TBX19: variants seen among roughly 807,000 people sequenced by gnomAD.
The protein encoded by TBX19 is T-box transcription factor 19.
A neutral mutation model predicts 40.9 loss-of-function variants in TBX19; 33 were observed. That is an observed-to-expected ratio of 0.81 (90% CI 0.61 to 1.08). The LOEUF (loss-of-function observed/expected upper bound fraction) is 1.08, where lower values mean the gene tolerates loss of function less well. TBX19 is among the 50% of genes least tolerant of loss of function. TBX19 has a pLI of 0.00. For missense variants in TBX19, 494 were observed against 574.0 expected, an observed-to-expected ratio of 0.86 and a Z score of 1.42; for synonymous variants, 220 against 225.0, an observed-to-expected ratio of 0.98 and a Z score of 0.20.
At chr1:168,286,592 T>C (rs2102351278) in intron 1 of TBX19, among the ~76,000 whole-genome samples, 1 of 152,372 alleles carries the variant, frequency 6.6e-6, no homozygotes, top group Non-Finnish European at 1.5e-5. Flanking sequence ...AATACTCCAT[T>C]GTATGGATAT....
intron 1 of TBX19, among the ~76,000 whole-genome samples, chr1:168,287,919 G>A (rs1035148616): frequency 9.2e-5 from 14 of 151,414 alleles, no homozygotes; most frequent in African/African-American, 3.2e-4. Flanking sequence ...AAGGAGTAGT[G>A]AATGAAATGT....
Position 168,312,812 on chromosome 1 carries a change from C to A in TBX19, c.1157C>A (p.Pro386Gln). 6.2e-7 allele frequency: 1 copy of A among 1,614,278 alleles called. No individual in the cohort carries two copies. Among genetic ancestry groups the A allele is most frequent in the South Asian group, 1.1e-5 (1 of 91,088 alleles). The change falls in exon 8 of 8, where the codon CCA (proline) becomes CAA (glutamine). Residue 386 changes from proline (P) to glutamine (Q), a missense_variant. Around this residue, in one of 3 missense-constraint regions of TBX19, gnomAD observed 284 missense variants for 307.3 expected, o/e 0.92. Coordinates refer to ENST00000367821, the MANE Select transcript of TBX19 (RefSeq NM_005149.3). ...CCAGGAGCATTTCTCCTCGGAAACCCAGCTGTGACTTCACCCCCTTCTGTG... is the reference window on the plus strand; with the variant it reads ...CCAGGAGCATTTCTCCTCGGAAACCAAGCTGTGACTTCACCCCCTTCTGTG... ...STPGAFLLGNPAVTSPPSVLS... is the reference protein window; with the variant it reads ...STPGAFLLGNQAVTSPPSVLS...
At chr1:168,286,767 G>A (rs1208992326) in intron 1 of TBX19, among the ~76,000 whole-genome samples, 1 of 152,182 alleles carries the variant, frequency 6.6e-6, no homozygotes, top group Non-Finnish European at 1.5e-5. Flanking sequence ...CTGGATTATT[G>A]AGAAACTGTA....
In TBX19 at chr1:168,301,056, A is replaced by G. The variant is rs536912883; in HGVS notation, c.727+573A>G. 3.0e-3 allele frequency among the ~76,000 whole-genome samples: 452 copies of G among 152,290 alleles called. 3 individuals are homozygous for G. The highest frequency in any genetic ancestry group is 0.011 in the South Asian group (55 of 4,826). On this transcript the variant is annotated intron_variant, in intron 5 of 7. Coordinates refer to ENST00000367821, the MANE Select transcript of TBX19 (RefSeq NM_005149.3). ...GTGGAGGGAATCCTCTGCAGCTGCA[A>G]TGCAACCCACGATCAGTGACATCAG...
chr1:168,291,543 GA>G, intron 2 of TBX19, 119 bp downstream of exon 2: 5 of 1,413,008 alleles, frequency 3.5e-6, no homozygotes, highest in Non-Finnish European at 5.0e-6. Flanking sequence ...TTCTCCCACA[GA>G]AGCCAATTAT....
At chr1:168,302,589 T>C (rs934222491) in intron 5 of TBX19, among the ~76,000 whole-genome samples, 1 of 152,160 alleles carries the variant, frequency 6.6e-6, no homozygotes, top group Admixed American at 6.5e-5. Context: ...TCAGAATCTT[T>C]CTACAAAACA....
In TBX19 at chr1:168,282,821, A is replaced by G. The variant is rs192171719; in HGVS notation, c.203+1528A>G. On this transcript the variant is annotated intron_variant, in intron 1 of 7. Coordinates refer to ENST00000367821, the MANE Select transcript of TBX19 (RefSeq NM_005149.3). Reference sequence around the variant, plus strand: ...TTACAGTAATACCTAGCCTTATGCTATTGATTGGGCTGTCAAATTGGCCAT... The same window carrying G: ...TTACAGTAATACCTAGCCTTATGCTGTTGATTGGGCTGTCAAATTGGCCAT... Among the ~76,000 whole-genome samples the G allele has an allele frequency of 1.1e-3, 168 of 152,300 alleles. No homozygotes were observed. In the East Asian group the frequency reaches 0.012, roughly 11 times the overall value.
intron 5 of TBX19, 107 bp from the exon 6 acceptor site, chr1:168,304,901 T>C: frequency 8.9e-7 from 1 of 1,125,026 alleles, no homozygotes. Flanking sequence ...CAGGCTGGCA[T>C]CAGTGTCATT....
At chr1:168,287,621 A>AAAC (rs1340587526) in intron 1 of TBX19, among the ~76,000 whole-genome samples, 2 of 152,016 alleles carry the variant, frequency 1.3e-5, no homozygotes, top group African/African-American at 4.8e-5. Flanking sequence ...ACATGTTAAG[A>AAAC]AACAACAAAG....
chr1:168,296,445 A>G (rs897144116), intron 3 of TBX19, among the ~76,000 whole-genome samples: 2 of 152,170 alleles, frequency 1.3e-5, no homozygotes, highest in African/African-American at 4.8e-5. Context: ...CACATCTTAC[A>G]TGGTGACAGG....
rs148037053 is a variant in TBX19, at chr1:168,295,881, T to C, written c.604-1843T>C. On this transcript the variant is annotated intron_variant, in intron 3 of 7. Transcript: ENST00000367821. ...TGGTGTGCGGAACTTGTCATTTGGC[T>C]GCTGACTTGGTAAACCCTCAGAAGC... Among the ~76,000 whole-genome samples the C allele has an allele frequency of 4.2e-3, 644 of 152,340 alleles. 1 individual carries two copies. Among genetic ancestry groups the C allele is most frequent in the Middle Eastern group, 0.014 (4 of 294 alleles).
intron 4 of TBX19, among the ~76,000 whole-genome samples, chr1:168,298,825 T>TC (rs1403795436): frequency 5.0e-4 from 6 of 12,062 alleles, no homozygotes; most frequent in African/African-American, 8.6e-4. Flanking sequence ...CTCCCTTCCT[T>TC]TCTTTCTTTC....
Position 168,284,680 on chromosome 1 carries a change from G to A in TBX19, c.203+3387G>A, listed in dbSNP as rs565142797. 4.0e-5 allele frequency among the ~76,000 whole-genome samples: 6 copies of A among 148,236 alleles called. No homozygotes were observed. The South Asian group carries it at 1.3e-3, about 32-fold the overall frequency. ...AGTCCCAGCTACTTGGGAGGCTGAG[G>A]TGGGAGATCACCTGACCCTGGGGAG... On this transcript the variant is annotated intron_variant, in intron 1 of 7. Coordinates refer to ENST00000367821, the MANE Select transcript of TBX19 (RefSeq NM_005149.3).
chr1:168,300,596 CCCAACACACAGTTTATT>C, intron 5 of TBX19, 113 bp downstream of exon 5: 1 of 973,980 alleles, frequency 1.0e-6, no homozygotes, highest in East Asian at 2.6e-5. Flanking sequence ...CAAATCAAAA[CCCAACACACAGTTTATT>C]CTATTAAGGA....
Position 168,291,306 on chromosome 1 carries a change from C to G in TBX19, c.350C>G (p.Ser117Cys). The change falls in exon 2 of 8, where the codon TCC becomes TGC. Residue 117 changes from serine (S) to cysteine (C), a missense_variant. Coordinates refer to ENST00000367821, the MANE Select transcript of TBX19 (RefSeq NM_005149.3). ...EWVPAGKPEV[S>C]SHSCVYIHPD... The stretch of plus-strand genomic sequence containing the variant: ...GTGCCCGCTGGCAAGCCAGAGGTCT[C>G]CAGCCACAGCTGCGTCTACATTCAC... 6.2e-7 allele frequency: 1 copy of G among 1,614,222 alleles called. No individual in the cohort carries two copies. Among genetic ancestry groups the G allele is most frequent in the Non-Finnish European group, 8.5e-7 (1 of 1,180,046 alleles).
At chr1:168,291,549 A>G (rs2102353679) in intron 2 of TBX19, 125 bp downstream of exon 2, 1 of 1,369,466 alleles carries the variant, frequency 7.3e-7, no homozygotes, top group East Asian at 2.3e-5. Flanking sequence ...CACAGAAGCC[A>G]ATTATTCCCG....
chr1:168,281,314 G>T (rs761783013), intron 1 of TBX19, 21 bp downstream of exon 1: 1 of 1,611,266 alleles, frequency 6.2e-7, no homozygotes, highest in Non-Finnish European at 8.5e-7. Flanking sequence ...CTGCCGCCCC[G>T]CGTGGGCTGG....
In TBX19 at chr1:168,291,175, C is replaced by T. The variant is rs768977815; in HGVS notation, c.219C>T (p.Val73=). The T allele has an allele frequency of 1.2e-6, 2 of 1,614,124 alleles. No individual in the cohort carries two copies. Among genetic ancestry groups the T allele is most frequent in the Non-Finnish European group, 1.7e-6 (2 of 1,180,028 alleles). The change falls in exon 2 of 8, where the codon GTC becomes GTT. Residue 73 remains valine (V), a synonymous_variant. Transcript: ENST00000367821. The part of the protein sequence containing the change: ...VTKNGRRMFP[V]LKISVTGLDP... ...TTCCTTTTAGACGGATGTTTCCAGT[C>T]CTAAAGATTAGTGTCACAGGGTTGG... is the stretch of plus-strand genomic sequence containing the variant.
intron 1 of TBX19, among the ~76,000 whole-genome samples, chr1:168,282,266 T>G (rs190195100): frequency 3.7e-4 from 57 of 152,332 alleles, no homozygotes; most frequent in Admixed American, 3.7e-3. Context: ...CTTCTTTCTG[T>G]CAGGCTTTTG....
Sources: allele counts gnomAD v4.1 joint callset (sites outside exome capture counted in the v4.1 genomes callset), GRCh38; gene constraint gnomAD v4.1.1; regional missense constraint gnomAD v4.1.1; transcripts MANE v1.5; gene names NCBI Gene and HGNC (gene_info 2026-07-23, HGNC 2026-07-21).